ATP2C1: variants seen among roughly 807,000 people sequenced by gnomAD.
ATP2C1 encodes the protein ATPase secretory pathway Ca2+ transporting 1.
Under a neutral mutation model 120.5 loss-of-function variants are expected in ATP2C1, and 31 were observed. The observed-to-expected ratio is 0.26, with a 90% CI of 0.19 to 0.35. The LOEUF is 0.35. Ranked by LOEUF, ATP2C1 falls within the 10% of genes least tolerant of loss-of-function variation. The pLI is 1.00. For synonymous variants in ATP2C1, 351 were observed against 358.7 expected (o/e 0.98, Z 0.24); for missense variants, 731 against 1,107.5 (o/e 0.66, Z 4.83).
chr3:130,918,590 G>T (rs2058791986), intron 2 of ATP2C1: 2 of 715,344 alleles, frequency 2.8e-6, no homozygotes, highest in African/African-American at 1.7e-5. Context: ...ATAAACTGTA[G>T]CCTTTTGGCC....
chr3:131,001,442 CT>C lies in ATP2C1; in HGVS notation c.*97del, dbSNP rs34966299. ...TCAAGAGGATATGAAGATTTGAGAA[CT>C]TTTTAACTATTCATTGACTAAAAAT... On this transcript the variant is annotated 3_prime_UTR_variant, in exon 28 of 28. Transcript: ENST00000510168. 7.3e-6 allele frequency: 11 copies of C among 1,509,538 alleles called. No individual in the cohort carries two copies. The highest frequency in any genetic ancestry group is 9.7e-6 in the Non-Finnish European group (11 of 1,130,446). 93.5% of individuals were successfully genotyped at this position (1,509,538 alleles called of 1,614,324 possible). A position where few individuals can be genotyped will look rare whatever the true frequency, so the allele number is the denominator to read the frequency against.
chr3:130,953,930 G>T lies in ATP2C1; in HGVS notation c.641G>T (p.Ser214Ile). The T allele has an allele frequency of 1.2e-6, 2 of 1,614,108 alleles. No homozygotes were observed. The highest frequency in any genetic ancestry group is 1.7e-6 in the Non-Finnish European group (2 of 1,179,984). ...AATNGDLASR[S>I]NIAFMGTLVR... ...ACTAATGGAGATCTTGCATCGAGAA[G>T]TAACATTGCCTTTATGGGAACACTG... Residue 214 changes from serine to isoleucine, a missense_variant, in exon 9 of 28, where the codon AGT (serine) becomes ATT (isoleucine). Transcript: ENST00000510168.
intron 1 of ATP2C1, among the ~76,000 whole-genome samples, chr3:130,871,527 A>G (rs1365122825): frequency 2.0e-5 from 3 of 152,234 alleles, no homozygotes; most frequent in Non-Finnish European, 4.4e-5. Context: ...ACTGTTGCAG[A>G]TCATTTGATG....
intron 8 of ATP2C1, among the ~76,000 whole-genome samples, chr3:130,944,187 A>G (rs1256025007): frequency 6.6e-6 from 1 of 152,216 alleles, no homozygotes; most frequent in African/African-American, 2.4e-5. Context: ...CTTTAGTGTC[A>G]TCATTTTGTA....
chr3:131,014,492 C>G, intron 26 of ATP2C1: 1 of 1,063,914 alleles, frequency 9.4e-7, no homozygotes, highest in Non-Finnish European at 1.3e-6. Context: ...AATGAGAGCT[C>G]TTATTGCTCT....
intron 12 of ATP2C1, among the ~76,000 whole-genome samples, chr3:130,959,900 T>C (rs1381728085): frequency 2.0e-5 from 3 of 152,036 alleles, no homozygotes; most frequent in Admixed American, 6.6e-5. Flanking sequence ...GAGTAAAAAG[T>C]CTTAGAATGA....
Position 130,854,896 on chromosome 3 carries a change from A to G in ATP2C1, c.108+3968A>G, listed in dbSNP as rs138864013. ...ATCCAATCATCTACTTGATATCTCC[A>G]TCTGAATGTCTTGTGAATGTTGCAG... On this transcript the variant is annotated intron_variant, in intron 1 of 26. Transcript: ENST00000504381. 6.6e-3 allele frequency among the ~76,000 whole-genome samples: 1,008 copies of G among 152,236 alleles called. 9 individuals carry two copies. Among genetic ancestry groups the G allele is most frequent in the African/African-American group, 0.023 (959 of 41,536 alleles).
At position 130,965,177 on chromosome 3, in the gene ATP2C1, C is replaced by G. The variant is rs1268445391; in HGVS notation, c.1122+132C>G. On this transcript the variant is annotated intron_variant, in intron 14 of 27. Coordinates refer to ENST00000510168, the MANE Select transcript of ATP2C1 (RefSeq NM_001378687.1). ...TTAGTAGTGGAGTTATTTTCTCTCT[C>G]TGTGATTTTACCAAGTCTTTGTCTC... 16 of 687,630 alleles carry G rather than the reference C, an allele frequency of 2.3e-5. 1 individual carries two copies. Among genetic ancestry groups the G allele is most frequent in the Non-Finnish European group, 2.9e-5 (11 of 384,544 alleles). 42.6% of individuals were successfully genotyped at this position (687,630 alleles called of 1,614,324 possible).
intron 8 of ATP2C1, among the ~76,000 whole-genome samples, chr3:130,946,187 T>TCC (rs2060146470): frequency 6.6e-6 from 1 of 152,226 alleles, no homozygotes; most frequent in Admixed American, 6.5e-5. Flanking sequence ...TACTGGATTA[T>TCC]CAGACCATTT....
chr3:130,972,630 A>G (rs1227954713), intron 17 of ATP2C1, among the ~76,000 whole-genome samples: 1 of 67,128 alleles, frequency 1.5e-5, no homozygotes, highest in Non-Finnish European at 2.7e-5. Context: ...CCCTCCCCCC[A>G]CCCCACAACA....
At chr3:130,925,416 A>G (rs1261101803) in intron 2 of ATP2C1, among the ~76,000 whole-genome samples, 5 of 152,128 alleles carry the variant, frequency 3.3e-5, no homozygotes, top group Admixed American at 1.3e-4. Flanking sequence ...AAAGAGTCCT[A>G]TGATGTGATC....
intron 3 of ATP2C1, among the ~76,000 whole-genome samples, chr3:130,930,824 G>A (rs569794878): frequency 6.5e-4 from 99 of 152,134 alleles, no homozygotes; most frequent in Admixed American, 1.2e-3. Context: ...TGATTGGACA[G>A]TGCAGCTCTA....
chr3:130,921,079 CTTT>C (rs1170193033), intron 2 of ATP2C1, among the ~76,000 whole-genome samples: 2 of 128,554 alleles, frequency 1.6e-5, no homozygotes. Flanking sequence ...AGTTTTCTTT[CTTT>C]TTTTTTTTTT....
At chr3:131,013,946 A>T in intron 26 of ATP2C1, 1 of 674,518 alleles carries the variant, frequency 1.5e-6, no homozygotes, top group Non-Finnish European at 2.4e-6. Context: ...TGTGATGTTT[A>T]TCCCCTAACA....
At chr3:130,993,593 G>T (rs996067075) in intron 21 of ATP2C1, among the ~76,000 whole-genome samples, 8 of 152,150 alleles carry the variant, frequency 5.3e-5, no homozygotes, top group Non-Finnish European at 1.2e-4. Flanking sequence ...CTAGGTGCCA[G>T]TAACATCCCC....
Position 130,997,760 on chromosome 3 carries a change from T to A in ATP2C1, c.2391+7T>A. 1 of 1,613,162 alleles carries A rather than the reference T, an allele frequency of 6.2e-7. No individual in the cohort carries two copies. The highest frequency in any genetic ancestry group is 8.5e-7 in the Non-Finnish European group (1 of 1,179,506). On this transcript the variant is annotated splice_region_variant and intron_variant, in intron 25 of 27. Transcript: ENST00000510168. ...GTTTGTCTTCTGGCGTGAGGTATAT[T>A]CACTGGCCAAGCTGCTATATTAACA...
At position 130,911,641 on chromosome 3, in the gene ATP2C1, A is replaced by G. The variant is rs1161473417; in HGVS notation, c.6+16866A>G. 2.6e-5 allele frequency among the ~76,000 whole-genome samples: 4 copies of G among 152,324 alleles called. No individual in the cohort carries two copies. The East Asian group carries it at 7.7e-4, about 29-fold the overall frequency. ...GGAAGAACATTCCATGCTCATGGGT[A>G]GGAAGAATCAATATTGTGAAAATGG... On this transcript the variant is annotated intron_variant, in intron 2 of 27. Transcript: ENST00000510168.
chr3:131,004,259 C>A (rs1399332439), downstream of ATP2C1, among the ~76,000 whole-genome samples: 1 of 152,234 alleles, frequency 6.6e-6, no homozygotes, highest in Non-Finnish European at 1.5e-5. Context: ...CTCCTGCAAT[C>A]CAAACAGCAG....
Position 130,967,212 on chromosome 3 carries a change from A to G in ATP2C1, c.1190A>G (p.Tyr397Cys), listed in dbSNP as rs369250519. Residue 397 changes from tyrosine (Y) to cysteine (C), a missense_variant, in exon 15 of 28, where the codon TAT (tyrosine) becomes TGT (cysteine). Around this residue, in one of 3 missense-constraint regions of ATP2C1, gnomAD observed 571 missense variants for 845.9 expected, o/e 0.67. Transcript: ENST00000510168. ...IVDGDVVHGF[Y>C]NPAVSRIVEA... ...GATGGTGATGTTGTTCATGGATTCT[A>G]TAACCCAGCTGTTAGCAGAATTGTT... The G allele has an allele frequency of 5.1e-5, 83 of 1,613,732 alleles. No individual in the cohort carries two copies. The highest frequency in any genetic ancestry group is 2.1e-4 in the South Asian group (19 of 91,082).
Sources: gnomAD v4.1 joint callset for allele counts (sites outside exome capture counted in the v4.1 genomes callset) on GRCh38, gnomAD v4.1.1 for gene constraint, gnomAD v4.1.1 regional missense constraint, MANE v1.5 for transcripts, NCBI Gene and HGNC (gene_info 2026-07-23, HGNC 2026-07-21) for gene names.